Variants in FAM186B observed in about 807,000 individuals in gnomAD.
FAM186B encodes family with sequence similarity 186 member B, also known as protein FAM186B.
FAM186B carries 68 observed loss-of-function variants against 83.4 expected under a neutral mutation model. That is an observed-to-expected ratio of 0.81 (90% CI 0.67 to 1.00). The LOEUF (loss-of-function observed/expected upper bound fraction) is 1.00. FAM186B is among the 50% of genes least tolerant of loss of function. FAM186B has a pLI of 0.00. For missense variants in FAM186B, 983 were observed against 1,099.2 expected, an observed-to-expected ratio of 0.89 and a Z score of 1.49; for synonymous variants, 389 against 422.0, an observed-to-expected ratio of 0.92 and a Z score of 0.96.
intron 1 of FAM186B, 130 bp from the exon 2 acceptor site, chr12:49,604,668 T>C: frequency 3.0e-6 from 2 of 665,928 alleles, no homozygotes; most frequent in South Asian, 1.9e-5. Flanking sequence ...AAAGTGGGAA[T>C]CATTATAGTA....
intron 5 of FAM186B, among the ~76,000 whole-genome samples, chr12:49,592,648 TGGTGGCG>T (rs1291322550): frequency 1.3e-5 from 2 of 151,846 alleles, no homozygotes; most frequent in African/African-American, 4.8e-5. Context: ...TAGCCGGACA[TGGTGGCG>T]GGTGCCTGTA....
the FAM186B span, among the ~76,000 whole-genome samples, chr12:49,612,367 GTTTTTT>G: frequency 7.5e-6 from 1 of 134,014 alleles, no homozygotes; most frequent in Non-Finnish European, 1.6e-5. Flanking sequence ...ATCCAACAAA[GTTTTTT>G]TTTTTTTTTT....
At position 49,600,447 on chromosome 12, in the gene FAM186B, C is replaced by T. The variant is rs150662932; in HGVS notation, c.1193G>A (p.Arg398His). ...GCCGAACACATCTGCGACCCTCGAGCGCACAGTCATGGTGGAAAGTGGCTG... is the reference window on the plus strand; with the variant it reads ...GCCGAACACATCTGCGACCCTCGAGTGCACAGTCATGGTGGAAAGTGGCTG... ...GHQPLSTMTV[R>H]SRVADVFGSK... The change falls in exon 4 of 7, where the codon CGC becomes CAC. Residue 398 changes from arginine (R) to histidine (H), a missense_variant. Arg to His is a conservative substitution (Grantham distance 29). Coordinates refer to ENST00000257894, the MANE Select transcript of FAM186B (RefSeq NM_032130.3). This position sits in a 1 kb window ranked among gnomAD's most constrained non-coding sequence, Gnocchi z 4.3. 2.4e-5 allele frequency: 39 copies of T among 1,612,930 alleles called. No individual in the cohort carries two copies. In the African/African-American group the frequency reaches 2.8e-4, roughly 12 times the overall value.
chr12:49,588,538 G>A lies in FAM186B; in HGVS notation c.2450C>T (p.Pro817Leu), dbSNP rs528638783. The stretch of plus-strand genomic sequence containing the variant: ...GGGGCCACTGGGGCGGATGTGCCGG[G>A]GTGAGGCTGCAGGCAACTTGCATTT... The part of the protein sequence containing the change: ...PKKCKLPAAS[P>L]RHIRPSGPTY... Residue 817 changes from proline to leucine, a missense_variant, in exon 6 of 7, where the codon CCC (proline) becomes CTC (leucine). Transcript: ENST00000257894. 1.2e-6 allele frequency: 2 copies of A among 1,613,042 alleles called. No homozygotes were observed. Among genetic ancestry groups the A allele is most frequent in the East Asian group, 2.2e-5 (1 of 44,854 alleles).
At chr12:49,621,852 A>G in the FAM186B span, among the ~76,000 whole-genome samples, 4 of 152,120 alleles carry the variant, frequency 2.6e-5, no homozygotes, top group African/African-American at 9.7e-5. Context: ...AGCTGGGGGA[A>G]GGCCGGAGAT....
the FAM186B span, chr12:49,619,423 C>A: frequency 1.8e-6 from 1 of 542,378 alleles, no homozygotes. Flanking sequence ...CATTCATCCC[C>A]ACTGGAATGG....
intron 5 of FAM186B, among the ~76,000 whole-genome samples, chr12:49,593,430 T>C (rs776888062): frequency 2.0e-5 from 3 of 152,070 alleles, no homozygotes; most frequent in Non-Finnish European, 1.5e-5. Flanking sequence ...AGGTTGAGAA[T>C]TGGAGACCAG....
intron 5 of FAM186B, among the ~76,000 whole-genome samples, chr12:49,596,020 G>A (rs1313620019): frequency 1.3e-5 from 2 of 152,098 alleles, no homozygotes; most frequent in Non-Finnish European, 2.9e-5. Context: ...CTAGAGCAGC[G>A]AAATGTGACG....
chr12:49,583,058 C>T (rs766160984), downstream of FAM186B: 57 of 456,150 alleles, frequency 1.2e-4, no homozygotes, highest in Non-Finnish European at 2.3e-4. Flanking sequence ...CAAAGTCCTC[C>T]ATCACCAGAG....
downstream of FAM186B, chr12:49,584,712 TC>T: frequency 1.5e-6 from 1 of 684,066 alleles, no homozygotes. Context: ...CAGAGCCAAG[TC>T]CAGAGCTGAG....
chr12:49,589,978 C>CAAAAA lies in FAM186B; in HGVS notation c.2365-1360_2365-1356dup, dbSNP rs57724815. On this transcript the variant is annotated intron_variant, in intron 5 of 6. Transcript: ENST00000257894. ...CCTGGCAATAGCGAGACTCTGTCTC[C>CAAAAA]AAAAAAAAAAAAAAAAAAAAAAAGT... Among the ~76,000 whole-genome samples, 5 of 60,706 alleles carry CAAAAA rather than the reference C, an allele frequency of 8.2e-5. No homozygotes were observed. The South Asian group carries it at 2.0e-3, about 25-fold the overall frequency. 39.8% of individuals were successfully genotyped at this position (60,706 alleles called of 152,430 possible). A position where few individuals can be genotyped will look rare whatever the true frequency, so the allele number is the denominator to read the frequency against.
chr12:49,619,587 G>A, the FAM186B span: 3 of 676,214 alleles, frequency 4.4e-6, no homozygotes, highest in Admixed American at 1.9e-5. Context: ...TCCATGTATC[G>A]GGAATTCTGG....
At chr12:49,616,626 AC>A in the FAM186B span, among the ~76,000 whole-genome samples, 1 of 152,202 alleles carries the variant, frequency 6.6e-6, no homozygotes, top group South Asian at 2.1e-4. Context: ...ACAAACTCCT[AC>A]AAACTATATA....
downstream of FAM186B, chr12:49,584,728 G>A: frequency 3.0e-6 from 2 of 665,878 alleles, no homozygotes; most frequent in Non-Finnish European, 5.5e-6. Flanking sequence ...GCTGAGCCCA[G>A]ACTCAGCCTG....
chr12:49,610,018 AC>A (rs1192784493), upstream of FAM186B, among the ~76,000 whole-genome samples: 1 of 152,082 alleles, frequency 6.6e-6, no homozygotes, highest in African/African-American at 2.4e-5. Context: ...TGTACATCAA[AC>A]CACACAACCC....
At chr12:49,619,667 CTTTTTTTTT>C in the FAM186B span, 28 of 145,988 alleles carry the variant, frequency 1.9e-4, no homozygotes, top group East Asian at 4.4e-4. Context: ...TTAGACATCT[CTTTTTTTTT>C]TTTTTTTTTT....
chr12:49,599,557 G>T lies in FAM186B; in HGVS notation c.2083C>A (p.Leu695Ile). 6.2e-7 allele frequency: 1 copy of T among 1,611,504 alleles called. No homozygotes were observed. The highest frequency in any genetic ancestry group is 1.1e-5 in the South Asian group (1 of 90,708). Residue 695 changes from leucine to isoleucine, a missense_variant, in exon 4 of 7, where the codon CTC becomes ATC. Physicochemically the swap from Leu to Ile is conservative, Grantham distance 5 (BLOSUM62 2). Coordinates refer to ENST00000257894, the MANE Select transcript of FAM186B (RefSeq NM_032130.3). ...PHYLRSKALELTTTTMELGAL... is the reference protein window; with the variant it reads ...PHYLRSKALEITTTTMELGAL... ...CCCAGCTCCATGGTGGTGGTGGTGA[G>T]CTCCAGTGCTTTGCTGCGCAGGTAG...
chr12:49,605,128 G>A (rs1282400428), intron 1 of FAM186B: 9 of 1,300,968 alleles, frequency 6.9e-6, no homozygotes, highest in Non-Finnish European at 8.9e-6. Context: ...ATGTGCCTCA[G>A]GGCTATCCTC....
chr12:49,602,788 C>G (rs746661616), intron 3 of FAM186B, among the ~76,000 whole-genome samples: 1 of 152,212 alleles, frequency 6.6e-6, no homozygotes. Context: ...GATGGACCAC[C>G]TCTGCAGCAG....
Sources: allele counts gnomAD v4.1 joint callset (sites outside exome capture counted in the v4.1 genomes callset), GRCh38; gene constraint gnomAD v4.1.1; non-coding constraint Gnocchi (gnomAD v3.1); transcripts MANE v1.5; gene names NCBI Gene and HGNC (gene_info 2026-07-23, HGNC 2026-07-21).